The following PCDHA11 variants were observed in gnomAD, a reference collection of about 807,000 sequenced individuals.
PCDHA11 encodes protocadherin alpha 11.
Under a neutral mutation model 70.3 loss-of-function variants are expected in PCDHA11, and 61 were observed. The observed-to-expected ratio is 0.87, with a 90% CI of 0.71 to 1.07. PCDHA11 has a LOEUF of 1.07. PCDHA11 is among the 50% of genes least tolerant of loss of function. The probability of loss-of-function intolerance (pLI) is 0.00; values close to 1 mark genes in which losing one functional copy is unlikely to be tolerated. For missense variants in PCDHA11, 1,324 were observed against 1,237.5 expected (o/e 1.07, Z -1.05); for synonymous variants, 633 against 555.1 (o/e 1.14, Z -1.97).
chr5:140,940,096 T>C (rs2153644801), intron 1 of PCDHA11, among the ~76,000 whole-genome samples: 1 of 152,378 alleles, frequency 6.6e-6, no homozygotes, highest in East Asian at 1.9e-4. Context: ...ATTGAAACTT[T>C]TAGCGTTATG....
intron 1 of PCDHA11, among the ~76,000 whole-genome samples, chr5:140,912,269 A>T (rs1463580948): frequency 6.6e-6 from 1 of 151,984 alleles, no homozygotes; most frequent in African/African-American, 2.4e-5. Context: ...ACCCTCACAG[A>T]TATACCCAGG....
At chr5:140,875,875 G>T in intron 1 of PCDHA11, 1 of 1,614,232 alleles carries the variant, frequency 6.2e-7, no homozygotes, top group South Asian at 1.1e-5. Flanking sequence ...GGTGTTCAGA[G>T]AAAGGGAACA....
In PCDHA11 at chr5:140,900,434, C is replaced by T. The variant is rs545919996; in HGVS notation, c.2391+28940C>T. On this transcript the variant is annotated intron_variant, in intron 1 of 3. Transcript: ENST00000398640. Reference sequence around the variant, plus strand: ...CTGGGATTATAGGCACGTGCCACCACGGCCGGCTAATTTTTTATTTTTAGT... The same window carrying T: ...CTGGGATTATAGGCACGTGCCACCATGGCCGGCTAATTTTTTATTTTTAGT... Among the ~76,000 whole-genome samples, 18 of 152,264 alleles carry T rather than the reference C, an allele frequency of 1.2e-4. No individual in the cohort carries two copies. The East Asian group carries it at 2.5e-3, about 21-fold the overall frequency.
intron 1 of PCDHA11, among the ~76,000 whole-genome samples, chr5:140,923,179 G>T (rs982663028): frequency 3.3e-5 from 5 of 152,130 alleles, no homozygotes; most frequent in Admixed American, 1.3e-4. Flanking sequence ...TTGTTCAGAT[G>T]CATCTACTGC....
At chr5:140,945,641 C>T (rs1253716354) in intron 1 of PCDHA11, among the ~76,000 whole-genome samples, 3 of 151,972 alleles carry the variant, frequency 2.0e-5, no homozygotes, top group Non-Finnish European at 2.9e-5. Context: ...GACATGTAGA[C>T]CAATGGAGCA....
intron 3 of PCDHA11, among the ~76,000 whole-genome samples, chr5:140,999,698 T>C (rs903538308): frequency 2.0e-5 from 3 of 152,192 alleles, no homozygotes; most frequent in Non-Finnish European, 4.4e-5. Flanking sequence ...ATGTGATTTT[T>C]TTTTAGCTAA....
chr5:140,870,474 C>G lies in PCDHA11; in HGVS notation c.1371C>G (p.Pro457=). 6.2e-7 allele frequency: 1 copy of G among 1,614,218 alleles called. No homozygotes were observed. The highest frequency in any genetic ancestry group is 1.1e-5 in the South Asian group (1 of 91,088). Residue 457 remains proline (P), a synonymous_variant, in exon 1 of 4, where the codon CCC becomes CCG. Coordinates refer to ENST00000398640, the MANE Select transcript of PCDHA11 (RefSeq NM_018902.5). ...VNDNAPAFAQ[P]EYTVFVKENN... ...ACAATGCGCCTGCGTTCGCACAGCC[C>G]GAGTACACCGTGTTCGTGAAGGAGA...
chr5:140,981,687 A>T (rs1283182396), intron 2 of PCDHA11, among the ~76,000 whole-genome samples: 1 of 151,972 alleles, frequency 6.6e-6, no homozygotes, highest in Non-Finnish European at 1.5e-5. Flanking sequence ...CCTCCCTTCC[A>T]TCATTCATTC....
intron 1 of PCDHA11, among the ~76,000 whole-genome samples, chr5:140,923,820 C>T (rs892649324): frequency 5.3e-4 from 80 of 152,224 alleles, no homozygotes; most frequent in African/African-American, 1.6e-3. Context: ...TGAAAATAGA[C>T]GTCAGTGGCA....
chr5:140,896,738 T>C (rs2065731964), intron 1 of PCDHA11, among the ~76,000 whole-genome samples: 2 of 152,180 alleles, frequency 1.3e-5, no homozygotes, highest in African/African-American at 4.8e-5. Context: ...AAGTTCCTTA[T>C]AGATTCTGGA....
rs1269379462 is a variant in PCDHA11, at chr5:141,005,696, C to T, written c.2540-3931C>T. 3.0e-4 allele frequency among the ~76,000 whole-genome samples: 31 copies of T among 105,030 alleles called. No individual in the cohort carries two copies. In the East Asian group the frequency reaches 8.2e-3, roughly 28 times the overall value. 68.9% of individuals were successfully genotyped at this position (105,030 alleles called of 152,430 possible). ...CAGCCTGGGCGACAGAGCGAAACTC[C>T]GTCTCAAAAAAAAAAAAAAAAAAAA... is the stretch of plus-strand genomic sequence containing the variant. On this transcript the variant is annotated intron_variant, in intron 3 of 3. Transcript: ENST00000398640.
chr5:140,933,653 G>GTC (rs1245688430), intron 1 of PCDHA11, among the ~76,000 whole-genome samples: 13 of 151,864 alleles, frequency 8.6e-5, no homozygotes, highest in African/African-American at 2.7e-4. Flanking sequence ...TGGAAATCCT[G>GTC]TCTCTCTCTC....
At chr5:140,916,186 G>A (rs1321442931) in intron 1 of PCDHA11, among the ~76,000 whole-genome samples, 3 of 152,160 alleles carry the variant, frequency 2.0e-5, no homozygotes, top group Admixed American at 6.5e-5. Flanking sequence ...CTTCAAGGAA[G>A]TGGGCACCCC....
chr5:140,926,921 G>A (rs1554203799), intron 1 of PCDHA11: 3 of 1,571,110 alleles, frequency 1.9e-6, no homozygotes, highest in African/African-American at 2.7e-5. Flanking sequence ...GCAGTTTTAT[G>A]TTTGTGGGTT....
rs782410675 is a variant in PCDHA11 at position 140,884,460 on chromosome 5, C to G, written c.2391+12966C>G. On this transcript the variant is annotated intron_variant, in intron 1 of 3. Coordinates refer to ENST00000398640, the MANE Select transcript of PCDHA11 (RefSeq NM_018902.5). ...TGCTCGGCACCGCCCACCGAGGGCGCGTGCGCGCCGGGCAAGCCCACTCTA... is the reference window on the plus strand; with the variant it reads ...TGCTCGGCACCGCCCACCGAGGGCGGGTGCGCGCCGGGCAAGCCCACTCTA... The G allele has an allele frequency of 2.5e-6, 4 of 1,613,614 alleles. No individual in the cohort carries two copies. Among genetic ancestry groups the G allele is most frequent in the Non-Finnish European group, 2.5e-6 (3 of 1,179,818 alleles).
At chr5:140,926,775 G>A (rs1563083910) in intron 1 of PCDHA11, 7 of 1,391,106 alleles carry the variant, frequency 5.0e-6, no homozygotes, top group East Asian at 2.6e-5. Context: ...GCCCGCAGCA[G>A]TGACGGCCGG....
chr5:140,969,117 A>G (rs1554231477), intron 1 of PCDHA11: 1 of 1,614,178 alleles, frequency 6.2e-7, no homozygotes, highest in Non-Finnish European at 8.5e-7. Context: ...GTTCGAGGGA[A>G]TGGCTCCCTC....
rs1432987823 is a variant in PCDHA11, at chr5:140,905,869, AAGGCCCAACAAT to A, written c.2391+34381_2391+34392del. ...AAGGAGTATTAACTCACACAATCAC[AAGGCCCAACAAT>A]AGGCCATCTGCAAGCTGAGGAGCAA... On this transcript the variant is annotated intron_variant, in intron 1 of 3. Coordinates refer to ENST00000398640, the MANE Select transcript of PCDHA11 (RefSeq NM_018902.5). 1.1e-4 allele frequency among the ~76,000 whole-genome samples: 17 copies of A among 152,326 alleles called. No individual in the cohort carries two copies. In the South Asian group the frequency reaches 3.5e-3, roughly 32 times the overall value.
intron 1 of PCDHA11, among the ~76,000 whole-genome samples, chr5:140,978,377 G>GT (rs1554239246): frequency 6.6e-6 from 1 of 152,212 alleles, no homozygotes; most frequent in Non-Finnish European, 1.5e-5. Context: ...GCAATAGTTT[G>GT]TTTTCCTCTC....
Sources: allele counts gnomAD v4.1 joint callset (sites outside exome capture counted in the v4.1 genomes callset), GRCh38; gene constraint gnomAD v4.1.1; transcripts MANE v1.5; gene names NCBI Gene and HGNC (gene_info 2026-07-23, HGNC 2026-07-21).